CACNB2: variants seen among roughly 807,000 people sequenced by gnomAD.
CACNB2 encodes the protein calcium voltage-gated channel auxiliary subunit beta 2, also known as voltage-dependent L-type calcium channel subunit beta-2.
Under a neutral mutation model 73.3 loss-of-function variants are expected in CACNB2, and 42 were observed. That is an observed-to-expected ratio of 0.57 (90% CI 0.45 to 0.74). CACNB2 has a LOEUF of 0.74. Among genes scored for constraint, CACNB2 ranks in the 30% least tolerant of loss-of-function variants. CACNB2 has a pLI of 0.00. For synonymous variants in CACNB2, 348 were observed against 310.3 expected (o/e 1.12, Z -1.28); for missense variants, 940 against 853.0 (o/e 1.10, Z -1.27).
rs1216336123 is a variant in CACNB2 at position 18,259,566 on chromosome 10, A to AG, written c.213+108591_213+108592insG. Among the ~76,000 whole-genome samples the AG allele has an allele frequency of 6.3e-4, 40 of 63,816 alleles. 2 individuals carry two copies. The highest frequency in any genetic ancestry group is 1.9e-3 in the South Asian group (6 of 3,202). The allele number at this position is 63,816 out of a possible 152,430, so 41.9% of individuals were successfully genotyped here. On this transcript the variant is annotated intron_variant, in intron 2 of 13. Coordinates refer to ENST00000324631, the MANE Select transcript of CACNB2 (RefSeq NM_201596.3). The stretch of plus-strand genomic sequence containing the variant: ...CTGAAAAAAAAACAAAAAACAAACA[A>AG]AAAAAAAAAGTAAAAGTAGCCAGGC...
At chr10:18,213,809 G>T (rs1294586387) in intron 2 of CACNB2, among the ~76,000 whole-genome samples, 1 of 152,144 alleles carries the variant, frequency 6.6e-6, no homozygotes, top group African/African-American at 2.4e-5. Flanking sequence ...GAGTATCTGT[G>T]GCCAAGAATT....
rs1195389677 is a variant in CACNB2 at position 18,245,487 on chromosome 10, A to G, written c.213+94512A>G. ...CAGGCATGCACCATCATACCTGGCTAATTTATTTATTTTAATATTTTTTGT... is the reference window on the plus strand; with the variant it reads ...CAGGCATGCACCATCATACCTGGCTGATTTATTTATTTTAATATTTTTTGT... On this transcript the variant is annotated intron_variant, in intron 2 of 13. Coordinates refer to ENST00000324631, the MANE Select transcript of CACNB2 (RefSeq NM_201596.3). Among the ~76,000 whole-genome samples the G allele has an allele frequency of 2.0e-5, 3 of 151,864 alleles. No homozygotes were observed. The South Asian group carries it at 6.3e-4, about 32-fold the overall frequency.
At chr10:18,484,602 A>T (rs937422632) in intron 3 of CACNB2, among the ~76,000 whole-genome samples, 2 of 152,144 alleles carry the variant, frequency 1.3e-5, no homozygotes, top group African/African-American at 4.8e-5. Context: ...ACACCTGAGA[A>T]TCCAAACTTT....
Position 18,527,583 on chromosome 10 carries a change from A to C in CACNB2, c.945-5A>C, listed in dbSNP as rs1477551922. The C allele has an allele frequency of 6.2e-7, 1 of 1,607,344 alleles. No homozygotes were observed. On this transcript the variant is annotated splice_polypyrimidine_tract_variant and splice_region_variant and intron_variant, in intron 9 of 13. Transcript: ENST00000324631. ...AAGGTCTTCTGTGACTTTTTCCTCC[A>C]ACAGGATATCCATCACAAGGGTCAC...
At position 18,146,686 on chromosome 10, in the gene CACNB2, G is replaced by A. The variant is rs572262485; in HGVS notation, c.121-4197G>A. 1.3e-4 allele frequency among the ~76,000 whole-genome samples: 20 copies of A among 152,116 alleles called. No individual in the cohort carries two copies. In the South Asian group the frequency reaches 4.2e-3, roughly 32 times the overall value. On this transcript the variant is annotated intron_variant, in intron 1 of 13. Transcript: ENST00000324631. ...GTAGAGATGGGGTTTCACCATGTTG[G>A]TCACATTAGTCTTGAACTCCTGACC...
intron 2 of CACNB2, among the ~76,000 whole-genome samples, chr10:18,276,973 C>T (rs2038320884): frequency 6.6e-6 from 1 of 152,144 alleles, no homozygotes; most frequent in Non-Finnish European, 1.5e-5. Context: ...AATTATTAGC[C>T]TGGTGTGGTG....
chr10:18,335,451 G>C (rs1370609235), intron 2 of CACNB2, among the ~76,000 whole-genome samples: 1 of 152,140 alleles, frequency 6.6e-6, no homozygotes, highest in African/African-American at 2.4e-5. Flanking sequence ...TAATTAGCCA[G>C]GCATGGCGGA....
chr10:18,354,123 T>C (rs894392736), intron 2 of CACNB2, among the ~76,000 whole-genome samples: 5 of 152,200 alleles, frequency 3.3e-5, no homozygotes, highest in African/African-American at 1.2e-4. Context: ...TCAATTTGCT[T>C]ATCTTTTCAT....
At chr10:18,360,463 A>G (rs542183723) in intron 2 of CACNB2, among the ~76,000 whole-genome samples, 115 of 152,190 alleles carry the variant, frequency 7.6e-4, no homozygotes, top group African/African-American at 2.7e-3. Context: ...GCTTCAAGGG[A>G]TCCTCAGGCC....
intron 3 of CACNB2, among the ~76,000 whole-genome samples, chr10:18,456,293 C>T (rs575975312): frequency 1.3e-5 from 2 of 151,848 alleles, no homozygotes; most frequent in East Asian, 2.0e-4. Flanking sequence ...CAAAACCCCG[C>T]CTCTACTGAA....
intron 2 of CACNB2, among the ~76,000 whole-genome samples, chr10:18,316,429 A>T (rs1318634479): frequency 1.3e-5 from 2 of 151,338 alleles, no homozygotes; most frequent in Non-Finnish European, 2.9e-5. Context: ...ATCTGTATTG[A>T]TAACTAGAAA....
chr10:18,330,014 T>A (rs1165637701), intron 2 of CACNB2, among the ~76,000 whole-genome samples: 3 of 152,152 alleles, frequency 2.0e-5, no homozygotes, highest in Admixed American at 1.3e-4. Context: ...CTAATTTTTA[T>A]ATTTTTAGTA....
intron 2 of CACNB2, among the ~76,000 whole-genome samples, chr10:18,369,623 A>G (rs1471526664): frequency 6.6e-6 from 1 of 152,102 alleles, no homozygotes; most frequent in African/African-American, 2.4e-5. Flanking sequence ...AAGGGATAAG[A>G]GGGTCGAGCA....
chr10:18,497,524 A>C (rs1333724068), intron 3 of CACNB2, among the ~76,000 whole-genome samples: 6 of 151,990 alleles, frequency 3.9e-5, no homozygotes, highest in Non-Finnish European at 5.9e-5. Flanking sequence ...GGCTTAAGTG[A>C]TCCTCTTGCC....
At chr10:18,347,630 A>T (rs1026836823) in intron 2 of CACNB2, among the ~76,000 whole-genome samples, 2 of 152,098 alleles carry the variant, frequency 1.3e-5, no homozygotes, top group Non-Finnish European at 2.9e-5. Context: ...AGGCTATAAA[A>T]GCCTATACAG....
intron 2 of CACNB2, among the ~76,000 whole-genome samples, chr10:18,255,079 T>C (rs1453974814): frequency 6.6e-6 from 1 of 152,058 alleles, no homozygotes; most frequent in Non-Finnish European, 1.5e-5. Context: ...TTCCAATCTG[T>C]CTTCAACTGT....
rs2037621702 is a variant in CACNB2, at chr10:18,262,918, T to C, written c.213+111943T>C. ...GACAACATAATCTGGATTTTTGAAG[T>C]CTTGATTGAAAGCTACAGAGACTTG... is the stretch of plus-strand genomic sequence containing the variant. On this transcript the variant is annotated intron_variant, in intron 2 of 13. Transcript: ENST00000324631. 4.6e-5 allele frequency among the ~76,000 whole-genome samples: 7 copies of C among 152,210 alleles called. No homozygotes were observed. The South Asian group carries it at 1.5e-3, about 32-fold the overall frequency.
chr10:18,311,110 CTTGT>C (rs1360657377), intron 2 of CACNB2, among the ~76,000 whole-genome samples: 1 of 152,054 alleles, frequency 6.6e-6, no homozygotes, highest in Non-Finnish European at 1.5e-5. Flanking sequence ...GGATTTTCTG[CTTGT>C]TTAAGTTTGC....
intron 2 of CACNB2, among the ~76,000 whole-genome samples, chr10:18,315,497 T>C (rs2040133292): frequency 4.1e-5 from 2 of 48,234 alleles, no homozygotes; most frequent in South Asian, 1.4e-3. Context: ...CTTGTCTCTA[T>C]TTAAAAAAAA....
Sources: allele counts gnomAD v4.1 joint callset (sites outside exome capture counted in the v4.1 genomes callset), GRCh38; gene constraint gnomAD v4.1.1; transcripts MANE v1.5; gene names NCBI Gene and HGNC (gene_info 2026-07-23, HGNC 2026-07-21).